Variants in TNIP3 observed in about 807,000 individuals in gnomAD.
The protein encoded by TNIP3 is TNFAIP3 interacting protein 3.
TNIP3 carries 34 observed loss-of-function variants against 54.1 expected under a neutral mutation model. The observed-to-expected ratio is 0.63, with a 90% confidence interval of 0.48 to 0.84. TNIP3 has a LOEUF of 0.84. Ranked by LOEUF, TNIP3 falls within the 40% of genes least tolerant of loss-of-function variation. The probability of loss-of-function intolerance (pLI) is 0.00; values close to 1 mark genes in which losing one functional copy is unlikely to be tolerated. For synonymous variants in TNIP3, 134 were observed against 136.8 expected (o/e 0.98, Z 0.14); for missense variants, 366 against 387.6 (o/e 0.94, Z 0.47).
intron 5 of TNIP3, among the ~76,000 whole-genome samples, chr4:121,153,207 C>T (rs1326796191): frequency 2.0e-5 from 3 of 151,530 alleles, no homozygotes; most frequent in African/African-American, 4.9e-5. Flanking sequence ...ATATAATCAC[C>T]GGAATGATGA....
chr4:121,152,962 A>T lies in TNIP3; in HGVS notation c.492+1589T>A, dbSNP rs536751312. ...TAGCTAGAAAACAAATAAAGTCATA[A>T]AAGTTAGACATTATATATACATTAG... On this transcript the variant is annotated intron_variant, in intron 5 of 10. Coordinates refer to ENST00000057513, the MANE Select transcript of TNIP3 (RefSeq NM_024873.6). Among the ~76,000 whole-genome samples, 4 of 152,314 alleles carry T rather than the reference A, an allele frequency of 2.6e-5. No individual in the cohort carries two copies. In the East Asian group the frequency reaches 7.7e-4, roughly 29 times the overall value.
intron 1 of TNIP3, among the ~76,000 whole-genome samples, chr4:121,162,734 AACAATG>A: frequency 6.6e-6 from 1 of 152,212 alleles, no homozygotes; most frequent in South Asian, 2.1e-4. Context: ...GAGCATCCTG[AACAATG>A]GATCAGAATT....
intron 2 of TNIP3, among the ~76,000 whole-genome samples, chr4:121,195,279 T>C (rs1725517810): frequency 6.6e-6 from 1 of 152,162 alleles, no homozygotes; most frequent in Non-Finnish European, 1.5e-5. Flanking sequence ...TAATTTCAGA[T>C]GGGATTATAG....
At chr4:121,202,539 A>T (rs1333421120) in intron 2 of TNIP3, among the ~76,000 whole-genome samples, 1 of 152,186 alleles carries the variant, frequency 6.6e-6, no homozygotes, top group Non-Finnish European at 1.5e-5. Context: ...AGACTTCATA[A>T]CCAAGAACCC....
intron 1 of TNIP3, among the ~76,000 whole-genome samples, chr4:121,162,569 A>G (rs772536281): frequency 1.9e-4 from 29 of 152,214 alleles, no homozygotes; most frequent in Non-Finnish European, 3.2e-4. Flanking sequence ...CAGACTAACT[A>G]TTAAGCATCT....
chr4:121,189,346 G>C (rs955524491), intron 2 of TNIP3, among the ~76,000 whole-genome samples: 1 of 152,194 alleles, frequency 6.6e-6, no homozygotes, highest in African/African-American at 2.4e-5. Context: ...ATGAGAAAAG[G>C]AAGAATTGAC....
Position 121,159,668 on chromosome 4 carries a change from T to C in TNIP3, c.148-916A>G, listed in dbSNP as rs374918535. On this transcript the variant is annotated intron_variant, in intron 2 of 10. Transcript: ENST00000057513. ...ATATCACCATTTTGAAAATTTAGAT[T>C]TTCAAGAAATTATAGTTTCGTCATA... Among the ~76,000 whole-genome samples, 703 of 152,378 alleles carry C rather than the reference T, an allele frequency of 4.6e-3. 5 individuals carry two copies. Among genetic ancestry groups the C allele is most frequent in the African/African-American group, 0.016 (662 of 41,598 alleles).
rs548858600 is a variant in TNIP3 at position 121,206,727 on chromosome 4, A to C, written c.68+9688T>G. ...CAGGTGCATGTCACCATGCTCAGCT[A>C]ATTTTTTCTTTTTTTATCTTTTAAT... On this transcript the variant is annotated intron_variant, in intron 2 of 12. Coordinates refer to the TNIP3 transcript ENST00000507879. Among the ~76,000 whole-genome samples the C allele has an allele frequency of 5.9e-5, 9 of 152,058 alleles. No individual in the cohort carries two copies. The South Asian group carries it at 1.7e-3, about 28-fold the overall frequency.
chr4:121,143,438 C>T (rs1197892242), intron 7 of TNIP3, among the ~76,000 whole-genome samples: 1 of 152,218 alleles, frequency 6.6e-6, no homozygotes, highest in African/African-American at 2.4e-5. Flanking sequence ...TCCCACATTC[C>T]CATAAGGGAT....
At chr4:121,197,042 T>TA (rs1203056480) in intron 2 of TNIP3, among the ~76,000 whole-genome samples, 2 of 151,906 alleles carry the variant, frequency 1.3e-5, no homozygotes, top group Non-Finnish European at 2.9e-5. Context: ...TTAATGAACT[T>TA]AAAAAATACA....
chr4:121,158,872 T>G (rs1730273053), intron 2 of TNIP3, 120 bp from the exon 3 acceptor site: 1 of 750,938 alleles, frequency 1.3e-6, no homozygotes, highest in East Asian at 2.5e-5. Context: ...AAGACAATAT[T>G]TTTTTCCATC....
chr4:121,213,185 C>A (rs140788815), intron 2 of TNIP3, among the ~76,000 whole-genome samples: 1 of 152,286 alleles, frequency 6.6e-6, no homozygotes, highest in African/African-American at 2.4e-5. Flanking sequence ...TTAAGTGCAT[C>A]TGAAATCCAC....
intron 2 of TNIP3, among the ~76,000 whole-genome samples, chr4:121,198,161 T>A (rs985417165): frequency 6.6e-6 from 1 of 151,888 alleles, no homozygotes; most frequent in Non-Finnish European, 1.5e-5. Flanking sequence ...TTTTTTTTTT[T>A]AGAAATTACT....
chr4:121,164,349 T>C, upstream of TNIP3: 1 of 1,294,966 alleles, frequency 7.7e-7, no homozygotes, highest in South Asian at 2.2e-5. Flanking sequence ...AACTGGGATT[T>C]TAACTTTTCT....
At chr4:121,141,951 G>T in intron 8 of TNIP3, 37 bp from the exon 9 acceptor site, 1 of 1,422,352 alleles carries the variant, frequency 7.0e-7, no homozygotes, top group Non-Finnish European at 9.6e-7. Context: ...CTACCAGTGG[G>T]AGAGACTGAG....
At chr4:121,168,745 C>T (rs1351821237), upstream of TNIP3, among the ~76,000 whole-genome samples, 1 of 151,608 alleles carries the variant, frequency 6.6e-6, no homozygotes, top group Non-Finnish European at 1.5e-5. Flanking sequence ...GTCTTGAACT[C>T]GTGGCTTTGA....
At position 121,132,681 on chromosome 4, in the gene TNIP3, A is replaced by T. The variant is rs779277005; in HGVS notation, c.947-19T>A. 1 of 1,602,706 alleles carries T rather than the reference A, an allele frequency of 6.2e-7. No individual in the cohort carries two copies. The highest frequency in any genetic ancestry group is 8.5e-7 in the Non-Finnish European group (1 of 1,169,870). ...GATAAACCTATGGAAAACAGTAGGA[A>T]AATGTTTTAGATTAAAAATTAACAT... On this transcript the variant is annotated intron_variant, in intron 10 of 10. Coordinates refer to ENST00000057513, the MANE Select transcript of TNIP3 (RefSeq NM_024873.6).
intron 2 of TNIP3, among the ~76,000 whole-genome samples, chr4:121,191,852 C>T (rs759865794): frequency 6.6e-6 from 1 of 152,034 alleles, no homozygotes; most frequent in Non-Finnish European, 1.5e-5. Context: ...TTGAAAGGAC[C>T]TTTTTCTTTA....
chr4:121,183,766 C>T (rs867420797), intron 2 of TNIP3, among the ~76,000 whole-genome samples: 2 of 151,926 alleles, frequency 1.3e-5, no homozygotes, highest in Non-Finnish European at 2.9e-5. Flanking sequence ...ATCTAGGCTG[C>T]CTGCTCCTTA....
Sources: allele counts gnomAD v4.1 joint callset (sites outside exome capture counted in the v4.1 genomes callset), GRCh38; gene constraint gnomAD v4.1.1; transcripts MANE v1.5; gene names NCBI Gene and HGNC (gene_info 2026-07-23, HGNC 2026-07-21).